SEMA6A: variants seen among roughly 807,000 people sequenced by gnomAD.
SEMA6A encodes semaphorin 6A, also known as semaphorin-6A.
Under a neutral mutation model 96.8 loss-of-function variants are expected in SEMA6A, and 25 were observed. The ratio of observed to expected loss-of-function variants is 0.26; its 90% CI spans 0.19 to 0.36. The LOEUF (loss-of-function observed/expected upper bound fraction) is 0.36, where lower values mean the gene tolerates loss of function less well. SEMA6A is among the 10% of genes least tolerant of loss of function. The pLI, the probability that SEMA6A is intolerant of heterozygous loss-of-function variation, is 1.00. For missense variants in SEMA6A, 1,363 were observed against 1,323.1 expected (o/e 1.03, Z -0.47); for synonymous variants, 612 against 518.0 (o/e 1.18, Z -2.46).
chr5:116,509,313 T>A (rs1252466082), intron 1 of SEMA6A, among the ~76,000 whole-genome samples: 1 of 152,188 alleles, frequency 6.6e-6, no homozygotes, highest in Admixed American at 6.5e-5. Flanking sequence ...TGGCACTATT[T>A]TTCCCTGAGC....
intron 1 of SEMA6A, among the ~76,000 whole-genome samples, chr5:116,533,408 T>C (rs1759572532): frequency 6.6e-6 from 1 of 152,182 alleles, no homozygotes; most frequent in African/African-American, 2.4e-5. Flanking sequence ...TTTGCATTTT[T>C]CAATGCTGAC....
intron 1 of SEMA6A, among the ~76,000 whole-genome samples, chr5:116,523,121 C>CT (rs1759037948): frequency 6.6e-6 from 1 of 152,140 alleles, no homozygotes; most frequent in Non-Finnish European, 1.5e-5. Context: ...CCTCTTTTCT[C>CT]TTTTTATTCA....
chr5:116,467,880 T>TTGGTGGTGGTGG, intron 17 of SEMA6A, 133 bp from the exon 18 acceptor site: 2 of 731,048 alleles, frequency 2.7e-6, no homozygotes, highest in Non-Finnish European at 4.2e-6. Context: ...ATGACACGGC[T>TTGGTGGTGGTGG]TAGTGGTGGT....
chr5:116,456,102 A>C (rs1320728486), intron 18 of SEMA6A, among the ~76,000 whole-genome samples: 1 of 152,226 alleles, frequency 6.6e-6, no homozygotes, highest in East Asian at 1.9e-4. Flanking sequence ...GTGTTAGCCA[A>C]AAGTGTAAAA....
intron 18 of SEMA6A, among the ~76,000 whole-genome samples, chr5:116,451,355 C>A (rs1394469628): frequency 6.6e-6 from 1 of 152,094 alleles, no homozygotes; most frequent in Non-Finnish European, 1.5e-5. Flanking sequence ...CTATTGGTCT[C>A]CCATGGGAGA....
intron 10 of SEMA6A, among the ~76,000 whole-genome samples, chr5:116,482,823 A>G (rs1756855179): frequency 6.6e-6 from 1 of 152,208 alleles, no homozygotes; most frequent in East Asian, 1.9e-4. Flanking sequence ...TCATGTCTAC[A>G]TTGCTTCTTG....
chr5:116,558,900 G>T (rs1760704990), intron 1 of SEMA6A, among the ~76,000 whole-genome samples: 2 of 152,146 alleles, frequency 1.3e-5, no homozygotes, highest in African/African-American at 4.8e-5. Flanking sequence ...CATTGAGCCG[G>T]GGGGAGAGGG....
At chr5:116,500,082 C>T (rs1045390532) in intron 3 of SEMA6A, among the ~76,000 whole-genome samples, 9 of 152,160 alleles carry the variant, frequency 5.9e-5, no homozygotes, top group Admixed American at 2.0e-4. Context: ...AACCCTATTA[C>T]GTTTAGGAAA....
intron 17 of SEMA6A, chr5:116,472,757 T>TTAATAAATAAA (rs1756227372): frequency 1.5e-6 from 1 of 645,706 alleles, no homozygotes; most frequent in South Asian, 2.6e-5. Context: ...TAATAAATAA[T>TTAATAAATAAA]TTTAGTGAAT....
chr5:116,530,595 G>A (rs1398004566), intron 1 of SEMA6A, among the ~76,000 whole-genome samples: 1 of 151,982 alleles, frequency 6.6e-6, no homozygotes, highest in Non-Finnish European at 1.5e-5. Flanking sequence ...TATTTTAGAA[G>A]CTTATTTTTA....
intron 1 of SEMA6A, among the ~76,000 whole-genome samples, chr5:116,528,285 C>T (rs1170139251): frequency 6.6e-6 from 1 of 152,148 alleles, no homozygotes; most frequent in East Asian, 1.9e-4. Context: ...AGCCAGGTTT[C>T]TTGCTTACAA....
At chr5:116,452,542 AC>A (rs959146554) in intron 18 of SEMA6A, among the ~76,000 whole-genome samples, 7 of 152,080 alleles carry the variant, frequency 4.6e-5, no homozygotes, top group Admixed American at 6.5e-5. Context: ...CTGCCCCTAG[AC>A]CCTGCAACAT....
intron 17 of SEMA6A, chr5:116,472,766 A>C: frequency 1.5e-6 from 1 of 679,908 alleles, no homozygotes; most frequent in Non-Finnish European, 2.3e-6. Flanking sequence ...ATTTTAGTGA[A>C]TTGGGGCCCT....
At chr5:116,566,525 T>C (rs1397327575) in intron 1 of SEMA6A, among the ~76,000 whole-genome samples, 1 of 152,204 alleles carries the variant, frequency 6.6e-6, no homozygotes, top group Non-Finnish European at 1.5e-5. Context: ...TTCCATTCTG[T>C]TTCCACTTAC....
At chr5:116,473,876 G>A (rs953931005) in intron 16 of SEMA6A, among the ~76,000 whole-genome samples, 9 of 152,192 alleles carry the variant, frequency 5.9e-5, no homozygotes. Context: ...CCTGCCCCGA[G>A]CAAGCACCCT....
At chr5:116,502,868 T>C (rs1256817397) in intron 2 of SEMA6A, among the ~76,000 whole-genome samples, 1 of 152,094 alleles carries the variant, frequency 6.6e-6, no homozygotes, top group Admixed American at 6.6e-5. Context: ...CCCTGAGAGG[T>C]TGGTTGGCAT....
chr5:116,484,625 GAAA>G, intron 10 of SEMA6A, among the ~76,000 whole-genome samples: 1 of 146,118 alleles, frequency 6.8e-6, no homozygotes, highest in South Asian at 2.2e-4. Flanking sequence ...TCCGTCTCAG[GAAA>G]AAAAAAATAA....
At chr5:116,464,412 T>G (rs1755602464) in intron 18 of SEMA6A, among the ~76,000 whole-genome samples, 1 of 152,122 alleles carries the variant, frequency 6.6e-6, no homozygotes, top group African/African-American at 2.4e-5. Context: ...CAAGAGACAT[T>G]AGACAAGGCC....
chr5:116,537,757 A>C (rs1759782957), intron 1 of SEMA6A, among the ~76,000 whole-genome samples: 1 of 152,128 alleles, frequency 6.6e-6, no homozygotes, highest in Non-Finnish European at 1.5e-5. Flanking sequence ...AAAAAGAGAG[A>C]AAAGAAACAG....
Sources: gnomAD v4.1 joint callset for allele counts (sites outside exome capture counted in the v4.1 genomes callset) on GRCh38, gnomAD v4.1.1 for gene constraint, MANE v1.5 for transcripts, NCBI Gene and HGNC (gene_info 2026-07-23, HGNC 2026-07-21) for gene names.